The following EXOC4 variants were observed in gnomAD, a reference collection of about 807,000 sequenced individuals.
EXOC4 encodes the protein SEC8-like 1.
A neutral mutation model predicts 107.2 loss-of-function variants in EXOC4; 71 were observed. The ratio of observed to expected loss-of-function variants is 0.66; its 90% CI spans 0.55 to 0.81. The LOEUF (loss-of-function observed/expected upper bound fraction) is 0.81. Ranked by LOEUF, EXOC4 falls within the 30% of genes least tolerant of loss-of-function variation. EXOC4 has a pLI of 0.00. For missense variants in EXOC4, 1,108 were observed against 1,189.6 expected (o/e 0.93, Z 1.01); for synonymous variants, 456 against 441.2 (o/e 1.03, Z -0.42).
At chr7:133,993,817 C>A (rs1794315406) in intron 14 of EXOC4, among the ~76,000 whole-genome samples, 1 of 152,154 alleles carries the variant, frequency 6.6e-6, no homozygotes, top group African/African-American at 2.4e-5. Flanking sequence ...GCCACAGCCT[C>A]AATTCTCCTT....
In EXOC4 at chr7:134,053,009, G is replaced by A. The variant is rs565732614; in HGVS notation, c.2688-11282G>A. Among the ~76,000 whole-genome samples the A allele has an allele frequency of 6.6e-5, 10 of 152,244 alleles. No individual in the cohort carries two copies. The South Asian group carries it at 2.1e-3, about 32-fold the overall frequency. Reference sequence around the variant, plus strand: ...TCATAGACTGCTTTTTAGATTGTATGCCATACTTAATGACATGTATAGACT... The same window carrying A: ...TCATAGACTGCTTTTTAGATTGTATACCATACTTAATGACATGTATAGACT... On this transcript the variant is annotated intron_variant, in intron 17 of 17. Transcript: ENST00000253861.
intron 2 of EXOC4, among the ~76,000 whole-genome samples, chr7:133,284,379 C>G (rs1481559481): frequency 6.6e-6 from 1 of 152,006 alleles, no homozygotes; most frequent in African/African-American, 2.4e-5. Flanking sequence ...ACTATAGTAG[C>G]AAGGTGATAT....
At chr7:133,711,782 G>A (rs1461531841) in intron 10 of EXOC4, among the ~76,000 whole-genome samples, 2 of 152,148 alleles carry the variant, frequency 1.3e-5, no homozygotes, top group African/African-American at 4.8e-5. Context: ...CATTTCATAT[G>A]GGTGCCTCTT....
rs1048374443 is a variant in EXOC4 at position 133,426,685 on chromosome 7, G to T, written c.1183-48643G>T. Among the ~76,000 whole-genome samples, 3 of 152,194 alleles carry T rather than the reference G, an allele frequency of 2.0e-5. No individual in the cohort carries two copies. In the East Asian group the frequency reaches 5.8e-4, roughly 29 times the overall value. The stretch of plus-strand genomic sequence containing the variant: ...TTAAAGACAGTATTTGTAAATACAT[G>T]GTGAAGAAAGAACTATTAATGTATG... On this transcript the variant is annotated intron_variant, in intron 7 of 17. Transcript: ENST00000253861.
chr7:133,557,247 A>G (rs1329086656), intron 9 of EXOC4, among the ~76,000 whole-genome samples: 1 of 151,604 alleles, frequency 6.6e-6, no homozygotes, highest in Admixed American at 6.6e-5. Flanking sequence ...CCTCCCCCAC[A>G]ACCCCTCCCT....
intron 9 of EXOC4, among the ~76,000 whole-genome samples, chr7:133,557,266 T>G (rs995302345): frequency 3.3e-5 from 5 of 152,042 alleles, no homozygotes; most frequent in African/African-American, 1.2e-4. Flanking sequence ...CTTCCTACCT[T>G]CCCCTTCAAA....
At chr7:133,843,680 C>T (rs1189090730) in intron 11 of EXOC4, among the ~76,000 whole-genome samples, 1 of 151,992 alleles carries the variant, frequency 6.6e-6, no homozygotes, top group Admixed American at 6.6e-5. Flanking sequence ...ATTGCTGTGT[C>T]CAGGACTTCC....
chr7:133,581,534 G>A (rs564688506), intron 9 of EXOC4, among the ~76,000 whole-genome samples: 18 of 151,760 alleles, frequency 1.2e-4, no homozygotes, highest in Non-Finnish European at 2.4e-4. Flanking sequence ...CGAGGCGGGC[G>A]GATCACGAGG....
At chr7:133,792,327 AG>A (rs1303692562) in intron 10 of EXOC4, among the ~76,000 whole-genome samples, 1 of 152,078 alleles carries the variant, frequency 6.6e-6, no homozygotes, top group East Asian at 1.9e-4. Flanking sequence ...CCAAGGTGAG[AG>A]GATCACTTGA....
chr7:133,840,493 A>ATTTT (rs1482476467), intron 11 of EXOC4, among the ~76,000 whole-genome samples: 2 of 143,440 alleles, frequency 1.4e-5, no homozygotes, highest in African/African-American at 6.0e-5. Flanking sequence ...TTTTTATTGT[A>ATTTT]TTTTATTTAT....
chr7:133,933,258 G>C (rs1032854937), intron 13 of EXOC4, among the ~76,000 whole-genome samples: 4 of 152,130 alleles, frequency 2.6e-5, no homozygotes, highest in Non-Finnish European at 5.9e-5. Flanking sequence ...TTGTCAGATA[G>C]AGCTCTTTAA....
intron 6 of EXOC4, among the ~76,000 whole-genome samples, chr7:133,368,569 G>T (rs746134158): frequency 5.3e-5 from 8 of 152,004 alleles, no homozygotes; most frequent in Non-Finnish European, 1.2e-4. Context: ...TTTGTATGTA[G>T]CTCTCACAGT....
chr7:133,586,853 C>A (rs1360808626), intron 9 of EXOC4, among the ~76,000 whole-genome samples: 1 of 151,994 alleles, frequency 6.6e-6, no homozygotes, highest in Admixed American at 6.6e-5. Context: ...TTTTTTGAGG[C>A]AGAGTCTCAC....
intron 11 of EXOC4, among the ~76,000 whole-genome samples, chr7:133,876,409 G>A (rs1465627715): frequency 6.6e-6 from 1 of 152,100 alleles, no homozygotes; most frequent in African/African-American, 2.4e-5. Flanking sequence ...TGAGTAGGTG[G>A]TTTCTTTCTT....
At chr7:133,425,042 C>T (rs1166339375) in intron 7 of EXOC4, among the ~76,000 whole-genome samples, 3 of 152,022 alleles carry the variant, frequency 2.0e-5, no homozygotes, top group Non-Finnish European at 4.4e-5. Context: ...GAGACACTGC[C>T]ATGGTACCCT....
Position 133,876,221 on chromosome 7 carries a change from G to GGTGTGT in EXOC4, c.1735-19347_1735-19342dup, listed in dbSNP as rs10605200. On this transcript the variant is annotated intron_variant, in intron 11 of 17. Coordinates refer to ENST00000253861, the MANE Select transcript of EXOC4 (RefSeq NM_021807.4). ...CTTAGGCTAAGGAAAAGAATGAAGA[G>GGTGTGT]GTGTGTGTGTGTGTGTGTGTGTGTG... 1.8e-3 allele frequency among the ~76,000 whole-genome samples: 265 copies of GGTGTGT among 147,286 alleles called. 2 individuals are homozygous for GGTGTGT. Among genetic ancestry groups the GGTGTGT allele is most frequent in the South Asian group, 7.9e-3 (36 of 4,552 alleles).
At chr7:133,594,083 A>C (rs1585019947) in intron 9 of EXOC4, among the ~76,000 whole-genome samples, 1 of 152,196 alleles carries the variant, frequency 6.6e-6, no homozygotes, top group East Asian at 1.9e-4. Flanking sequence ...AGTGTTATTG[A>C]GGCAAAACTG....
intron 9 of EXOC4, among the ~76,000 whole-genome samples, chr7:133,502,699 G>A (rs1799597096): frequency 6.6e-6 from 1 of 151,586 alleles, no homozygotes; most frequent in African/African-American, 2.4e-5. Context: ...CCGCAGGTTT[G>A]CTGTAAAACA....
At chr7:133,319,001 A>G (rs1178167803) in intron 5 of EXOC4, among the ~76,000 whole-genome samples, 2 of 152,148 alleles carry the variant, frequency 1.3e-5, no homozygotes, top group African/African-American at 4.8e-5. Context: ...GGAATTATGA[A>G]ACAAAATATA....
Sources: allele counts gnomAD v4.1 joint callset (sites outside exome capture counted in the v4.1 genomes callset), GRCh38; gene constraint gnomAD v4.1.1; transcripts MANE v1.5; gene names NCBI Gene and HGNC (gene_info 2026-07-23, HGNC 2026-07-21).